DCDC1: variants seen among roughly 807,000 people sequenced by gnomAD.
DCDC1 encodes the protein doublecortin domain containing 1, also known as doublecortin domain-containing protein 1.
DCDC1 carries 200 observed loss-of-function variants against 178.3 expected under a neutral mutation model. The observed-to-expected ratio is 1.12, with a 90% CI of 1.00 to 1.26. DCDC1 has a LOEUF of 1.26. Ranked by LOEUF, DCDC1 falls within the 50% of genes most tolerant of loss-of-function variation. The pLI, the probability that DCDC1 is intolerant of heterozygous loss-of-function variation, is 0.00. For synonymous variants in DCDC1, 690 were observed against 604.8 expected (o/e 1.14, Z -2.07); for missense variants, 1,983 against 1,749.2 (o/e 1.13, Z -2.38).
chr11:31,202,558 G>A (rs1012871378), intron 9 of DCDC1, among the ~76,000 whole-genome samples: 5 of 152,124 alleles, frequency 3.3e-5, no homozygotes, highest in Admixed American at 1.3e-4. Flanking sequence ...GCATCAAAGC[G>A]AGACCCTGTC....
At chr11:31,122,237 C>T (rs1591122930) in intron 11 of DCDC1, among the ~76,000 whole-genome samples, 1 of 152,112 alleles carries the variant, frequency 6.6e-6, no homozygotes, top group African/African-American at 2.4e-5. Flanking sequence ...ACAGAATTCC[C>T]ACCACCACCA....
chr11:31,104,509 A>G (rs954176822), intron 13 of DCDC1, among the ~76,000 whole-genome samples: 2 of 152,148 alleles, frequency 1.3e-5, no homozygotes, highest in East Asian at 3.8e-4. Context: ...AAAACAAAAC[A>G]AAAGATTAAA....
intron 25 of DCDC1, 99 bp downstream of exon 25, chr11:30,920,677 T>C: frequency 4.9e-6 from 7 of 1,415,078 alleles, no homozygotes; most frequent in African/African-American, 1.4e-5. Flanking sequence ...TTCACAAACT[T>C]GGCATGAGCT....
At position 31,348,345 on chromosome 11, in the gene DCDC1, C is replaced by T. The variant is rs185989107; in HGVS notation, c.-124-12781G>A. ...GTGAAGAAAAGAAATCTGGAATTAC[C>T]ATCATCTTCAAAGATTTCAGGTCTC... On this transcript the variant is annotated intron_variant, in intron 1 of 38. Coordinates refer to ENST00000684477, the MANE Select transcript of DCDC1 (RefSeq NM_001387274.1). Among the ~76,000 whole-genome samples the T allele has an allele frequency of 1.0e-3, 156 of 152,214 alleles. 1 individual carries two copies. The highest frequency in any genetic ancestry group is 3.4e-3 in the African/African-American group (143 of 41,524).
At chr11:31,241,712 C>T in intron 8 of DCDC1, 96 bp from the exon 9 acceptor site, 1 of 391,256 alleles carries the variant, frequency 2.6e-6, no homozygotes, top group Non-Finnish European at 4.5e-6. Flanking sequence ...TAACTCTTAA[C>T]ATCTATTATT....
chr11:31,262,459 G>C (rs2137080727), intron 8 of DCDC1, among the ~76,000 whole-genome samples: 1 of 152,216 alleles, frequency 6.6e-6, no homozygotes, highest in South Asian at 2.1e-4. Flanking sequence ...GAAGCAATAG[G>C]TAGGAGAAAA....
chr11:31,257,247 G>T (rs556651862), intron 8 of DCDC1, among the ~76,000 whole-genome samples: 71 of 152,124 alleles, frequency 4.7e-4, no homozygotes, highest in African/African-American at 1.4e-3. Flanking sequence ...TGCATTCTGG[G>T]CCAAAAAAGA....
At chr11:31,351,574 T>A (rs1373044818) in intron 1 of DCDC1, among the ~76,000 whole-genome samples, 2 of 152,144 alleles carry the variant, frequency 1.3e-5, no homozygotes, top group Non-Finnish European at 2.9e-5. Flanking sequence ...GTGGGAAATC[T>A]TAAGTTCTTT....
At chr11:30,997,382 A>G (rs1357610684) in intron 20 of DCDC1, among the ~76,000 whole-genome samples, 1 of 152,206 alleles carries the variant, frequency 6.6e-6, no homozygotes, top group Non-Finnish European at 1.5e-5. Flanking sequence ...TCAAAATGAA[A>G]TACAGCTTTT....
chr11:31,264,238 T>C (rs889500338), intron 8 of DCDC1, among the ~76,000 whole-genome samples: 2 of 152,176 alleles, frequency 1.3e-5, no homozygotes, highest in African/African-American at 2.4e-5. Context: ...AAACAGATCA[T>C]GTAGGAGAGT....
rs1949255908 is a variant in DCDC1, at chr11:30,963,713, T to C, written c.2592-11145A>G. Among the ~76,000 whole-genome samples, 3 of 152,236 alleles carry C rather than the reference T, an allele frequency of 2.0e-5. No individual in the cohort carries two copies. In the South Asian group the frequency reaches 6.2e-4, roughly 32 times the overall value. On this transcript the variant is annotated intron_variant, in intron 20 of 38. Transcript: ENST00000684477. ...CCAGCTCTGTAGCACTACCTATCTA[T>C]AAACTATCATGCAAACAGAAATGAG... is the stretch of plus-strand genomic sequence containing the variant.
At chr11:31,021,657 T>C (rs1213799225) in intron 20 of DCDC1, among the ~76,000 whole-genome samples, 1 of 152,088 alleles carries the variant, frequency 6.6e-6, no homozygotes, top group African/African-American at 2.4e-5. Context: ...GAGAAAAAAT[T>C]GTTATTATAT....
At position 31,362,062 on chromosome 11, in the gene DCDC1, TAAAC is replaced by T. The variant is rs546198146; in HGVS notation, c.-125+7631_-125+7634del. ...GGATTACCTGACTTTAGCCTAACGC[TAAAC>T]TATGACCTATTTCTAAGAGTATCTT... On this transcript the variant is annotated intron_variant, in intron 1 of 38. Transcript: ENST00000684477. 3.4e-3 allele frequency among the ~76,000 whole-genome samples: 523 copies of T among 152,334 alleles called. 1 individual carries two copies. The highest frequency in any genetic ancestry group is 6.8e-3 in the Middle Eastern group (2 of 294).
chr11:30,912,102 G>C (rs768882456), intron 27 of DCDC1, among the ~76,000 whole-genome samples: 1 of 152,080 alleles, frequency 6.6e-6, no homozygotes, highest in Non-Finnish European at 1.5e-5. Context: ...AATGTGACGT[G>C]ATGTTCTGTG....
chr11:30,874,671 A>C (rs1458083389), intron 38 of DCDC1, among the ~76,000 whole-genome samples: 1 of 152,136 alleles, frequency 6.6e-6, no homozygotes, highest in Non-Finnish European at 1.5e-5. Context: ...AGTGCCCTTC[A>C]GGAAATTTCC....
intron 6 of DCDC1, among the ~76,000 whole-genome samples, chr11:31,305,145 G>A (rs1948370160): frequency 6.6e-6 from 1 of 152,024 alleles, no homozygotes. Context: ...AGAATCATAT[G>A]TATATAAGAA....
At position 31,246,770 on chromosome 11, in the gene DCDC1, T is replaced by C. The variant is rs1943596548; in HGVS notation, c.1055-5154A>G. Among the ~76,000 whole-genome samples, 3 of 152,094 alleles carry C rather than the reference T, an allele frequency of 2.0e-5. No homozygotes were observed. The South Asian group carries it at 6.2e-4, about 31-fold the overall frequency. On this transcript the variant is annotated intron_variant, in intron 8 of 38. Coordinates refer to ENST00000684477, the MANE Select transcript of DCDC1 (RefSeq NM_001387274.1). ...CTTGATTTATATCAGTGTATTTTTATCCAAACAAAACTAAACTAACAGCTG... is the reference window on the plus strand; with the variant it reads ...CTTGATTTATATCAGTGTATTTTTACCCAAACAAAACTAAACTAACAGCTG...
chr11:31,289,620 T>A (rs535393063), intron 7 of DCDC1, among the ~76,000 whole-genome samples: 3 of 152,058 alleles, frequency 2.0e-5, no homozygotes, highest in African/African-American at 7.2e-5. Flanking sequence ...GATTTCATAA[T>A]AAAAATTTTC....
At chr11:31,213,094 G>A (rs1476023483) in intron 9 of DCDC1, among the ~76,000 whole-genome samples, 4 of 89,562 alleles carry the variant, frequency 4.5e-5, no homozygotes, top group Non-Finnish European at 8.7e-5. Flanking sequence ...TCTATATAAA[G>A]CCCAGCCTCT....
Sources: allele counts gnomAD v4.1 joint callset (sites outside exome capture counted in the v4.1 genomes callset), GRCh38; gene constraint gnomAD v4.1.1; transcripts MANE v1.5; gene names NCBI Gene and HGNC (gene_info 2026-07-23, HGNC 2026-07-21).